PEX5L: variants seen among roughly 807,000 people sequenced by gnomAD.
PEX5L encodes the protein peroxisomal biogenesis factor 5 like, also known as PEX5-related protein.
A neutral mutation model predicts 84.0 loss-of-function variants in PEX5L; 30 were observed. The observed-to-expected ratio is 0.36, with a 90% CI of 0.27 to 0.48. The LOEUF is 0.48. PEX5L is among the 20% of genes least tolerant of loss of function. The pLI is 0.99. For missense variants in PEX5L, 533 were observed against 754.6 expected (o/e 0.71, Z 3.44); for synonymous variants, 270 against 283.1 (o/e 0.95, Z 0.46).
intron 2 of PEX5L, among the ~76,000 whole-genome samples, chr3:179,963,258 G>C (rs9856601): frequency 0.024 from 3,680 of 152,232 alleles, 155 homozygotes; most frequent in African/African-American, 0.083. Context: ...GGCTAGGCTG[G>C]CAAGAGCAGA....
intron 2 of PEX5L, among the ~76,000 whole-genome samples, chr3:179,930,478 C>T (rs940010916): frequency 2.0e-5 from 3 of 152,212 alleles, no homozygotes; most frequent in African/African-American, 7.2e-5. Flanking sequence ...CCAATGGTGT[C>T]AGTACAACTG....
intron 2 of PEX5L, among the ~76,000 whole-genome samples, chr3:179,928,999 C>A (rs1010429550): frequency 6.6e-6 from 1 of 152,172 alleles, no homozygotes; most frequent in African/African-American, 2.4e-5. Flanking sequence ...TAATTCTATT[C>A]TTCTTTTCTA....
intron 8 of PEX5L, among the ~76,000 whole-genome samples, chr3:179,854,673 T>C (rs997708632): frequency 6.6e-6 from 1 of 152,174 alleles, no homozygotes; most frequent in East Asian, 1.9e-4. Context: ...GCGTTACCCA[T>C]ACAGAGTGAT....
Position 179,827,294 on chromosome 3 carries a change from C to A in PEX5L, c.823-7318G>T, listed in dbSNP as rs370236700. ...CTGCCTACCTCTTCCTGAGGACACT[C>A]ACCCTTGGAATCTAGCTACCACCTT... On this transcript the variant is annotated intron_variant, in intron 8 of 14. Transcript: ENST00000467460. Among the ~76,000 whole-genome samples, 121 of 152,346 alleles carry A rather than the reference C, an allele frequency of 7.9e-4. 2 individuals are homozygous for A. The South Asian group carries it at 0.025, about 31-fold the overall frequency.
At chr3:179,868,626 T>C (rs59453720) in intron 7 of PEX5L, among the ~76,000 whole-genome samples, 37,995 of 152,036 alleles carry the variant, frequency 0.25, 5,720 homozygotes, top group Non-Finnish European at 0.33. Context: ...AGCACTTCCT[T>C]TGCCCAGATC....
chr3:180,010,313 T>A (rs1789341595), intron 1 of PEX5L, among the ~76,000 whole-genome samples: 1 of 141,508 alleles, frequency 7.1e-6, no homozygotes, highest in Admixed American at 7.2e-5. Context: ...GGCCTTGAAC[T>A]CCTGGGCTCA....
intron 14 of PEX5L, among the ~76,000 whole-genome samples, chr3:179,806,199 C>T (rs989571105): frequency 6.6e-6 from 1 of 151,380 alleles, no homozygotes; most frequent in Non-Finnish European, 1.5e-5. Context: ...GAATGAAAGA[C>T]GTAAATAGGA....
intron 2 of PEX5L, among the ~76,000 whole-genome samples, chr3:179,945,956 G>A (rs1029035176): frequency 2.6e-5 from 4 of 152,100 alleles, no homozygotes; most frequent in African/African-American, 9.7e-5. Flanking sequence ...AAGGGTAAAA[G>A]CTGGTGACTT....
intron 5 of PEX5L, among the ~76,000 whole-genome samples, chr3:179,876,686 T>C (rs962035806): frequency 6.6e-6 from 1 of 152,138 alleles, no homozygotes; most frequent in Non-Finnish European, 1.5e-5. Context: ...AAATTTCTCA[T>C]CATTTCAAAC....
intron 5 of PEX5L, among the ~76,000 whole-genome samples, chr3:179,875,699 C>T (rs2108733856): frequency 6.6e-6 from 1 of 152,284 alleles, no homozygotes; most frequent in Middle Eastern, 3.4e-3. Flanking sequence ...ACTTGTGCAG[C>T]TAAATAGAAA....
At chr3:179,845,823 A>G (rs1739109100) in intron 8 of PEX5L, among the ~76,000 whole-genome samples, 1 of 152,138 alleles carries the variant, frequency 6.6e-6, no homozygotes, top group Admixed American at 6.5e-5. Context: ...GGCCTGTGAC[A>G]TTTCACAGGA....
chr3:179,918,154 T>C (rs1767923500), intron 2 of PEX5L, among the ~76,000 whole-genome samples: 1 of 152,180 alleles, frequency 6.6e-6, no homozygotes, highest in Admixed American at 6.5e-5. Context: ...TATGTTTTAT[T>C]GCCTCTCATT....
intron 2 of PEX5L, among the ~76,000 whole-genome samples, chr3:179,898,838 T>G (rs1278533541): frequency 6.6e-6 from 1 of 152,096 alleles, no homozygotes; most frequent in Non-Finnish European, 1.5e-5. Context: ...AAAAAAACAT[T>G]TTGCAACTTT....
chr3:179,809,970 G>T (rs938989337), intron 11 of PEX5L, among the ~76,000 whole-genome samples: 1 of 141,668 alleles, frequency 7.1e-6, no homozygotes, highest in Non-Finnish European at 1.5e-5. Flanking sequence ...GAGATCTCAT[G>T]AGAAATAGGG....
chr3:179,922,848 A>T (rs1770041337), intron 2 of PEX5L, among the ~76,000 whole-genome samples: 1 of 152,220 alleles, frequency 6.6e-6, no homozygotes, highest in South Asian at 2.1e-4. Context: ...CAACTAATTT[A>T]AAAATCTTCA....
intron 2 of PEX5L, among the ~76,000 whole-genome samples, chr3:179,919,411 G>C (rs1278072244): frequency 6.6e-6 from 1 of 152,128 alleles, no homozygotes; most frequent in East Asian, 1.9e-4. Flanking sequence ...CTTACTCCTT[G>C]TTAGGGGCTC....
intron 2 of PEX5L, among the ~76,000 whole-genome samples, chr3:179,919,982 C>A (rs993423613): frequency 1.3e-5 from 2 of 152,196 alleles, no homozygotes; most frequent in Admixed American, 6.5e-5. Context: ...AGATTACAGG[C>A]ATGAGCCACT....
intron 2 of PEX5L, among the ~76,000 whole-genome samples, chr3:179,955,562 A>G (rs543973260): frequency 6.6e-6 from 1 of 151,436 alleles, no homozygotes; most frequent in Admixed American, 6.6e-5. Flanking sequence ...CTTCGGGGAC[A>G]AATATGTTTT....
chr3:180,000,919 G>A (rs925618765), intron 1 of PEX5L, among the ~76,000 whole-genome samples: 1 of 152,142 alleles, frequency 6.6e-6, no homozygotes, highest in Non-Finnish European at 1.5e-5. Flanking sequence ...TTGACAAGGG[G>A]TGGACTTGTG....
Sources: gnomAD v4.1 joint callset for allele counts (sites outside exome capture counted in the v4.1 genomes callset) on GRCh38, gnomAD v4.1.1 for gene constraint, MANE v1.5 for transcripts, NCBI Gene and HGNC (gene_info 2026-07-23, HGNC 2026-07-21) for gene names.